The following ZNF84 variants were observed in gnomAD, a reference collection of about 807,000 sequenced individuals.
ZNF84 encodes zinc finger protein 84, also known as zinc finger protein HPF2.
Under a neutral mutation model 14.8 loss-of-function variants are expected in ZNF84, and 12 were observed. That is an observed-to-expected ratio of 0.81 (90% confidence interval 0.52 to 1.31). The LOEUF (loss-of-function observed/expected upper bound fraction) is 1.31. Among genes scored for constraint, ZNF84 ranks in the 50% most tolerant of loss-of-function variants. ZNF84 has a pLI of 0.00. For synonymous variants in ZNF84, 347 were observed against 291.1 expected (o/e 1.19, Z -1.96); for missense variants, 859 against 878.6 (o/e 0.98, Z 0.28).
intron 4 of ZNF84, among the ~76,000 whole-genome samples, chr12:133,056,487 T>A (rs1373113256): frequency 1.3e-5 from 2 of 152,090 alleles, no homozygotes; most frequent in African/African-American, 4.8e-5. Context: ...TCTCCCAACC[T>A]CATGATCTGC....
chr12:133,039,287 AGTT>A, intron 1 of ZNF84, among the ~76,000 whole-genome samples: 1 of 152,356 alleles, frequency 6.6e-6, no homozygotes, highest in Non-Finnish European at 1.5e-5. Context: ...AGTGTGATAC[AGTT>A]GAGGCAGGGC....
intron 2 of ZNF84, among the ~76,000 whole-genome samples, chr12:133,046,848 TTA>T (rs1295825938): frequency 7.7e-5 from 11 of 143,668 alleles, no homozygotes; most frequent in South Asian, 2.1e-4. Flanking sequence ...ATATTTTATA[TTA>T]TATATATATG....
At chr12:133,048,938 C>A in intron 4 of ZNF84, 90 bp downstream of exon 4, 1 of 1,073,292 alleles carries the variant, frequency 9.3e-7, no homozygotes, top group Non-Finnish European at 1.4e-6. Flanking sequence ...GATGGGTGGG[C>A]TGGTCAGTGA....
At chr12:133,039,121 CTG>C (rs1201214975) in intron 1 of ZNF84, 5 of 152,260 alleles carry the variant, frequency 3.3e-5, no homozygotes, top group South Asian at 2.1e-4. Flanking sequence ...TTTCGTATGA[CTG>C]TGTGCCAGCT....
intron 4 of ZNF84, among the ~76,000 whole-genome samples, chr12:133,051,124 G>T (rs79751188): frequency 0.14 from 19,221 of 135,974 alleles, 1,471 homozygotes; most frequent in South Asian, 0.24. Flanking sequence ...TTTTTTTTTT[G>T]TTTTATGTGG....
chr12:133,048,911 CGGGTGGGCTAGTCAGTGAT>C (rs1954028931), intron 4 of ZNF84, 63 bp downstream of exon 4: 2 of 1,387,564 alleles, frequency 1.4e-6, no homozygotes, highest in Middle Eastern at 2.0e-4. Flanking sequence ...TGGTCAGTGA[CGGGTGGGCTAGTCAGTGAT>C]GGGTGGGCTG....
chr12:133,052,693 C>G (rs1954092635), intron 4 of ZNF84, among the ~76,000 whole-genome samples: 2 of 152,178 alleles, frequency 1.3e-5, no homozygotes, highest in African/African-American at 4.8e-5. Flanking sequence ...CCCTTATGAC[C>G]TCATTTAATC....
chr12:133,060,279 A>G lies in ZNF84; in HGVS notation c.*1347A>G, dbSNP rs1003900327. ...GATAAATGAATTATTAAAAAATCACATTTCTGAAGATGTAAAGTATTAGGG... is the reference window on the plus strand; with the variant it reads ...GATAAATGAATTATTAAAAAATCACGTTTCTGAAGATGTAAAGTATTAGGG... On this transcript the variant is annotated 3_prime_UTR_variant, in exon 5 of 5. Coordinates refer to ENST00000539354, the MANE Select transcript of ZNF84 (RefSeq NM_001289971.2). The G allele has an allele frequency of 1.2e-4, 18 of 152,322 alleles. No homozygotes were observed. Among genetic ancestry groups the G allele is most frequent in the East Asian group, 1.9e-4 (1 of 5,180 alleles). 9.4% of individuals were successfully genotyped at this position (152,322 alleles called of 1,614,324 possible).
At position 133,052,385 on chromosome 12, in the gene ZNF84, C is replaced by T. The variant is rs1230994468; in HGVS notation, c.238+3537C>T. ...TTTTGAGACAGGGTCTCACTCACCC[C>T]ACCTGGAGTGCAATGGCACAATCAT... is the stretch of plus-strand genomic sequence containing the variant. On this transcript the variant is annotated intron_variant, in intron 4 of 4. Coordinates refer to ENST00000539354, the MANE Select transcript of ZNF84 (RefSeq NM_001289971.2). Among the ~76,000 whole-genome samples, 4 of 152,160 alleles carry T rather than the reference C, an allele frequency of 2.6e-5. No homozygotes were observed. The East Asian group carries it at 7.7e-4, about 29-fold the overall frequency.
Position 133,058,672 on chromosome 12 carries a change from A to C in ZNF84, c.1957A>C (p.Lys653Gln). The C allele has an allele frequency of 2.5e-6, 4 of 1,614,124 alleles. No individual in the cohort carries two copies. The change falls in exon 5 of 5, where the codon AAG becomes CAG. Residue 653 changes from lysine to glutamine, a missense_variant. By Grantham distance (53) the Lys-to-Gln change is moderately conservative. Coordinates refer to ENST00000539354, the MANE Select transcript of ZNF84 (RefSeq NM_001289971.2). ...INHQRIHTGE[K>Q]PFECSECGKA... ...TCATCAGAGAATACATACAGGAGAG[A>C]AGCCTTTTGAATGCAGTGAGTGTGG...
At position 133,041,500 on chromosome 12, in the gene ZNF84, T is replaced by G; in HGVS notation, c.15+18T>G. On this transcript the variant is annotated intron_variant, in intron 2 of 4. Coordinates refer to ENST00000539354, the MANE Select transcript of ZNF84 (RefSeq NM_001289971.2). ...TGTTACAGGTGAGTTGATTGTTGAG[T>G]TCTTATTTTTTCCCAGGGAATTAGA... is the stretch of plus-strand genomic sequence containing the variant. The G allele has an allele frequency of 6.2e-7, 1 of 1,613,464 alleles. No individual in the cohort carries two copies. Among genetic ancestry groups the G allele is most frequent in the African/African-American group, 1.3e-5 (1 of 75,040 alleles).
chr12:133,049,442 A>G (rs2137376473), intron 4 of ZNF84, among the ~76,000 whole-genome samples: 1 of 152,062 alleles, frequency 6.6e-6, no homozygotes, highest in Non-Finnish European at 1.5e-5. Flanking sequence ...TTTTCTATAG[A>G]TTAGACACCA....
At position 133,060,587 on chromosome 12, in the gene ZNF84, T is replaced by C. The variant is rs886861215; in HGVS notation, c.*1655T>C. ...GGTGTTGAATATCTGATGTAATTAT[T>C]GAATACTGAAGGTGAAAAATAGTAG... On this transcript the variant is annotated 3_prime_UTR_variant, in exon 5 of 5. Transcript: ENST00000539354. 2 of 152,246 alleles carry C rather than the reference T, an allele frequency of 1.3e-5. No homozygotes were observed. The highest frequency in any genetic ancestry group is 6.5e-5 in the Admixed American group (1 of 15,290). The allele number at this position is 152,246 out of a possible 1,614,324, so 9.4% of individuals were successfully genotyped here.
At chr12:133,054,458 T>TAAC (rs1380471011) in intron 4 of ZNF84, among the ~76,000 whole-genome samples, 2 of 152,218 alleles carry the variant, frequency 1.3e-5, no homozygotes, top group Admixed American at 1.3e-4. Flanking sequence ...TAGAGCTATG[T>TAAC]AACAAATGAC....
chr12:133,051,065 G>T (rs1269353299), intron 4 of ZNF84, among the ~76,000 whole-genome samples: 2 of 151,702 alleles, frequency 1.3e-5, no homozygotes, highest in Non-Finnish European at 2.9e-5. Context: ...GGGACTACAG[G>T]TGTGTGCCAC....
rs1281630779 is a variant in ZNF84, at chr12:133,056,652, A to G, written c.239-302A>G. The stretch of plus-strand genomic sequence containing the variant: ...ATTGAGTGAATTAATTACTCAAAAC[A>G]TTGGGTCAAAGCTTCTTCTAACCTT... On this transcript the variant is annotated intron_variant, in intron 4 of 4. Transcript: ENST00000539354. 2.6e-5 allele frequency among the ~76,000 whole-genome samples: 4 copies of G among 152,288 alleles called. No individual in the cohort carries two copies. The East Asian group carries it at 5.8e-4, about 22-fold the overall frequency.
chr12:133,051,834 C>G (rs1427440001), intron 4 of ZNF84, among the ~76,000 whole-genome samples: 1 of 152,134 alleles, frequency 6.6e-6, no homozygotes, highest in African/African-American at 2.4e-5. Context: ...AGCCAGGGGC[C>G]AGTCTTGCAA....
intron 2 of ZNF84, among the ~76,000 whole-genome samples, chr12:133,045,511 C>T (rs1953965758): frequency 1.3e-5 from 2 of 149,856 alleles, no homozygotes; most frequent in Admixed American, 6.6e-5. Flanking sequence ...TGGTGGCATG[C>T]ACCTGTAGTC....
rs1954248618 is a variant in ZNF84 at position 133,060,783 on chromosome 12, A to G, written c.*1851A>G. 6.6e-6 allele frequency: 1 copy of G among 152,228 alleles called. No individual in the cohort carries two copies. Among genetic ancestry groups the G allele is most frequent in the South Asian group, 2.1e-4 (1 of 4,834 alleles). The allele number at this position is 152,228 out of a possible 1,614,324, so 9.4% of individuals were successfully genotyped here. A position where few individuals can be genotyped will look rare whatever the true frequency, so the allele number is the denominator to read the frequency against. On this transcript the variant is annotated 3_prime_UTR_variant, in exon 5 of 5. Coordinates refer to ENST00000539354, the MANE Select transcript of ZNF84 (RefSeq NM_001289971.2). ...CTTCACATTGAGAACTTACCATTAT[A>G]TATTTCCATAAAAATGCATGAACCA...
Sources: allele counts gnomAD v4.1 joint callset (sites outside exome capture counted in the v4.1 genomes callset), GRCh38; gene constraint gnomAD v4.1.1; transcripts MANE v1.5; gene names NCBI Gene and HGNC (gene_info 2026-07-23, HGNC 2026-07-21).